The following NAALADL2 variants were observed in gnomAD, a reference collection of about 807,000 sequenced individuals.
NAALADL2 encodes N-acetylated alpha-linked acidic dipeptidase like 2.
Under a neutral mutation model 87.2 loss-of-function variants are expected in NAALADL2, and 76 were observed. The observed-to-expected ratio is 0.87, with a 90% CI of 0.72 to 1.05. The LOEUF is 1.05. Among genes scored for constraint, NAALADL2 ranks in the 50% least tolerant of loss-of-function variants. NAALADL2 has a pLI of 0.00. For missense variants in NAALADL2, 1,089 were observed against 945.8 expected, an observed-to-expected ratio of 1.15 and a Z score of -1.99; for synonymous variants, 354 against 331.0, an observed-to-expected ratio of 1.07 and a Z score of -0.75.
chr3:174,882,588 T>C (rs371355838), intron 1 of NAALADL2, among the ~76,000 whole-genome samples: 13 of 148,908 alleles, frequency 8.7e-5, no homozygotes, highest in Admixed American at 6.0e-4. Context: ...TATACACATA[T>C]GTGTATATAC....
intron 1 of NAALADL2, among the ~76,000 whole-genome samples, chr3:174,881,691 C>T (rs981734797): frequency 6.6e-6 from 1 of 152,088 alleles, no homozygotes; most frequent in African/African-American, 2.4e-5. Context: ...CTGTTTTATT[C>T]CTGGATGTAT....
chr3:175,306,964 G>A (rs1319972644), intron 4 of NAALADL2, among the ~76,000 whole-genome samples: 1 of 152,108 alleles, frequency 6.6e-6, no homozygotes, highest in Non-Finnish European at 1.5e-5. Flanking sequence ...CTTGTGGTAG[G>A]CCCACTGTGA....
intron 1 of NAALADL2, among the ~76,000 whole-genome samples, chr3:174,526,162 A>G (rs1307821046): frequency 1.3e-5 from 2 of 152,158 alleles, no homozygotes; most frequent in South Asian, 2.1e-4. Context: ...GTTGAGGCTT[A>G]TATTTTTCTG....
chr3:174,476,205 G>C (rs921304824), intron 1 of NAALADL2, among the ~76,000 whole-genome samples: 8 of 150,864 alleles, frequency 5.3e-5, no homozygotes, highest in Non-Finnish European at 1.2e-4. Context: ...CTAAATATCT[G>C]TCCTTGTAAT....
chr3:175,024,065 C>T (rs1315242386), intron 1 of NAALADL2, among the ~76,000 whole-genome samples: 3 of 151,816 alleles, frequency 2.0e-5, no homozygotes, highest in Non-Finnish European at 4.4e-5. Context: ...CATCCTTCTA[C>T]CCTTTAGTTT....
chr3:174,717,662 C>T (rs540818125), intron 2 of NAALADL2, among the ~76,000 whole-genome samples: 13 of 152,070 alleles, frequency 8.5e-5, no homozygotes, highest in South Asian at 2.1e-4. Context: ...CATTAGCAAC[C>T]GCCTCTTCAA....
intron 11 of NAALADL2, among the ~76,000 whole-genome samples, chr3:175,652,734 TC>T (rs569345962): frequency 4.7e-4 from 71 of 152,252 alleles, no homozygotes; most frequent in African/African-American, 1.5e-3. Flanking sequence ...CGCCTCGGCC[TC>T]CCAAAGTGCT....
intron 1 of NAALADL2, among the ~76,000 whole-genome samples, chr3:174,879,836 A>G (rs1728971880): frequency 6.6e-6 from 1 of 152,056 alleles, no homozygotes; most frequent in African/African-American, 2.4e-5. Flanking sequence ...AGCTTCTCTT[A>G]TCAGCGTCAC....
At chr3:175,741,866 T>C (rs1256020014) in intron 12 of NAALADL2, among the ~76,000 whole-genome samples, 3 of 152,156 alleles carry the variant, frequency 2.0e-5, no homozygotes, top group Non-Finnish European at 4.4e-5. Flanking sequence ...AAAGTTTATT[T>C]TGCCAACGTT....
intron 5 of NAALADL2, among the ~76,000 whole-genome samples, chr3:175,365,540 A>C (rs1765454312): frequency 6.8e-6 from 1 of 147,766 alleles, no homozygotes; most frequent in Admixed American, 7.0e-5. Flanking sequence ...GTATACTTTG[A>C]TAAATTTATG....
At chr3:175,791,472 A>C (rs1333694915) in intron 13 of NAALADL2, among the ~76,000 whole-genome samples, 1 of 152,192 alleles carries the variant, frequency 6.6e-6, no homozygotes, top group Non-Finnish European at 1.5e-5. Context: ...TACATCTGAA[A>C]GAAGAGAAAC....
intron 9 of NAALADL2, among the ~76,000 whole-genome samples, chr3:175,559,056 G>C (rs945753196): frequency 1.3e-5 from 2 of 151,926 alleles, no homozygotes. Flanking sequence ...TTCAATATAT[G>C]AACATGGAAT....
chr3:175,750,064 G>A (rs1376630017), intron 12 of NAALADL2, among the ~76,000 whole-genome samples: 1 of 152,148 alleles, frequency 6.6e-6, no homozygotes, highest in Non-Finnish European at 1.5e-5. Context: ...CTAGCTCAAC[G>A]AGCTGAGCTG....
intron 9 of NAALADL2, among the ~76,000 whole-genome samples, chr3:175,565,333 G>A (rs554607332): frequency 6.6e-6 from 1 of 152,212 alleles, no homozygotes; most frequent in South Asian, 2.1e-4. Flanking sequence ...TTATATAATT[G>A]CCTCCTTGGA....
chr3:175,717,833 G>A lies in NAALADL2; in HGVS notation c.1897-19473G>A, dbSNP rs533457262. Among the ~76,000 whole-genome samples, 8 of 136,330 alleles carry A rather than the reference G, an allele frequency of 5.9e-5. No individual in the cohort carries two copies. In the South Asian group the frequency reaches 1.7e-3, roughly 28 times the overall value. The allele number at this position is 136,330 out of a possible 152,430, so 89.4% of individuals were successfully genotyped here. A position where few individuals can be genotyped will look rare whatever the true frequency, so the allele number is the denominator to read the frequency against. ...TTTTTTTTTTTTTTTTTTTGAGATG[G>A]AGTCTCACTCTGTTCACCCAGGTTG... On this transcript the variant is annotated intron_variant, in intron 11 of 13. Coordinates refer to ENST00000454872, the MANE Select transcript of NAALADL2 (RefSeq NM_207015.3).
intron 1 of NAALADL2, among the ~76,000 whole-genome samples, chr3:174,994,817 G>T (rs1428680237): frequency 1.3e-5 from 2 of 152,062 alleles, no homozygotes; most frequent in South Asian, 2.1e-4. Context: ...ATTTTTCAAA[G>T]AATTAGATTT....
At chr3:174,703,411 G>T (rs1313512363) in intron 2 of NAALADL2, among the ~76,000 whole-genome samples, 1 of 151,730 alleles carries the variant, frequency 6.6e-6, no homozygotes, top group Admixed American at 6.6e-5. Flanking sequence ...GTGAGGAGCA[G>T]CAATATTTAA....
intron 2 of NAALADL2, among the ~76,000 whole-genome samples, chr3:174,565,587 C>T (rs1341187919): frequency 2.6e-5 from 4 of 152,012 alleles, no homozygotes; most frequent in Non-Finnish European, 2.9e-5. Context: ...AGGATTTCTT[C>T]GTTGCTTTTA....
intron 1 of NAALADL2, among the ~76,000 whole-genome samples, chr3:174,887,821 CTT>C (rs537247141): frequency 1.2e-4 from 17 of 142,352 alleles, no homozygotes; most frequent in Admixed American, 1.4e-4. Context: ...GCTTGAGCAT[CTT>C]TTTTTTTTTT....
Sources: allele counts gnomAD v4.1 joint callset (sites outside exome capture counted in the v4.1 genomes callset), GRCh38; gene constraint gnomAD v4.1.1; transcripts MANE v1.5; gene names NCBI Gene and HGNC (gene_info 2026-07-23, HGNC 2026-07-21).